MTHFD2L: variants seen among roughly 807,000 people sequenced by gnomAD.
MTHFD2L encodes the protein methylenetetrahydrofolate dehydrogenase (NADP+ dependent) 2 like.
MTHFD2L carries 29 observed loss-of-function variants against 34.9 expected under a neutral mutation model. That is an observed-to-expected ratio of 0.83 (90% CI 0.62 to 1.13). MTHFD2L has a LOEUF of 1.13. Among genes scored for constraint, MTHFD2L ranks in the 50% most tolerant of loss-of-function variants. MTHFD2L has a pLI of 0.00. For synonymous variants in MTHFD2L, 167 were observed against 155.7 expected (o/e 1.07, Z -0.54); for missense variants, 481 against 446.5 (o/e 1.08, Z -0.70).
At chr4:74,125,923 T>G (rs1369085802) in intron 1 of MTHFD2L, among the ~76,000 whole-genome samples, 1 of 152,152 alleles carries the variant, frequency 6.6e-6, no homozygotes, top group Non-Finnish European at 1.5e-5. Context: ...AAACTCGAAG[T>G]GAATAAAAGT....
intron 1 of MTHFD2L, among the ~76,000 whole-genome samples, chr4:74,164,015 A>G (rs1726067438): frequency 6.6e-6 from 1 of 152,164 alleles, no homozygotes; most frequent in Non-Finnish European, 1.5e-5. Flanking sequence ...AGCTGGGACT[A>G]CAGGCGCCCG....
chr4:74,278,197 TCTTCC>T (rs1157006556), intron 6 of MTHFD2L, among the ~76,000 whole-genome samples: 2 of 152,124 alleles, frequency 1.3e-5, no homozygotes, highest in East Asian at 3.9e-4. Context: ...TTCTAACCAT[TCTTCC>T]CTAGACCAGC....
At chr4:74,261,143 A>G (rs1049768361) in intron 6 of MTHFD2L, among the ~76,000 whole-genome samples, 12 of 152,068 alleles carry the variant, frequency 7.9e-5, no homozygotes, top group Non-Finnish European at 1.8e-4. Context: ...GGCTAATGCA[A>G]CAAGTTGACA....
At chr4:74,280,072 G>T (rs550623501) in intron 6 of MTHFD2L, among the ~76,000 whole-genome samples, 14 of 152,058 alleles carry the variant, frequency 9.2e-5, no homozygotes, top group Non-Finnish European at 1.8e-4. Context: ...AAGAGATCTA[G>T]AATACGAATG....
At chr4:74,268,015 T>C in intron 6 of MTHFD2L, 4 of 985,094 alleles carry the variant, frequency 4.1e-6, no homozygotes. Context: ...ATTATTCTCA[T>C]GACAGGCATG....
At chr4:74,238,712 A>T (rs1181575909) in intron 6 of MTHFD2L, among the ~76,000 whole-genome samples, 2 of 152,240 alleles carry the variant, frequency 1.3e-5, no homozygotes, top group East Asian at 3.8e-4. Flanking sequence ...GAAGACATTT[A>T]TGCAGCCAAC....
At chr4:74,232,851 A>G (rs1349739303) in intron 6 of MTHFD2L, among the ~76,000 whole-genome samples, 1 of 152,128 alleles carries the variant, frequency 6.6e-6, no homozygotes, top group Non-Finnish European at 1.5e-5. Flanking sequence ...TAATGACTCT[A>G]TAGTATTGAG....
intron 1 of MTHFD2L, among the ~76,000 whole-genome samples, chr4:74,142,354 A>G (rs1254388325): frequency 1.3e-5 from 2 of 152,202 alleles, no homozygotes; most frequent in Non-Finnish European, 2.9e-5. Context: ...TAATTAGGCT[A>G]TGAGAGTGGA....
At chr4:74,193,393 C>G (rs1732911225) in intron 3 of MTHFD2L, among the ~76,000 whole-genome samples, 2 of 152,100 alleles carry the variant, frequency 1.3e-5, no homozygotes, top group African/African-American at 4.8e-5. Context: ...TATTATAAAT[C>G]TTCTAACTCT....
At chr4:74,157,552 C>A, upstream of MTHFD2L, 1 of 406,360 alleles carries the variant, frequency 2.5e-6, no homozygotes, top group South Asian at 1.8e-5. Flanking sequence ...TATTTCCTTC[C>A]AAAAGTGGAG....
chr4:74,161,034 C>A (rs1044931853), intron 1 of MTHFD2L: 2 of 152,094 alleles, frequency 1.3e-5, no homozygotes, highest in African/African-American at 4.8e-5. Context: ...GGTAGATTCT[C>A]TTTTTTGTCT....
intron 4 of MTHFD2L, among the ~76,000 whole-genome samples, 198 bp from the exon 5 acceptor site, chr4:74,201,065 A>G (rs1406979784): frequency 6.6e-6 from 1 of 152,232 alleles, no homozygotes; most frequent in Non-Finnish European, 1.5e-5. Context: ...TGAGTACATA[A>G]TCAGAGAAGA....
At chr4:74,292,304 A>T (rs75792626) in intron 7 of MTHFD2L, among the ~76,000 whole-genome samples, 2,399 of 152,312 alleles carry the variant, frequency 0.016, 74 homozygotes, top group African/African-American at 0.055. Context: ...AAGTTGAAAC[A>T]AAAAATACAT....
intron 1 of MTHFD2L, among the ~76,000 whole-genome samples, chr4:74,159,896 A>C (rs1725033911): frequency 6.6e-6 from 1 of 152,174 alleles, no homozygotes; most frequent in African/African-American, 2.4e-5. Flanking sequence ...AGGCAAGTTA[A>C]GATAAGGCGG....
At chr4:74,117,965 A>G (rs1046398630) in intron 2 of MTHFD2L, among the ~76,000 whole-genome samples, 2 of 152,204 alleles carry the variant, frequency 1.3e-5, no homozygotes, top group African/African-American at 2.4e-5. Context: ...TATCCTCACT[A>G]GACTGAAAGA....
At chr4:74,273,626 T>C (rs1296102483) in intron 6 of MTHFD2L, among the ~76,000 whole-genome samples, 2 of 152,206 alleles carry the variant, frequency 1.3e-5, no homozygotes, top group African/African-American at 4.8e-5. Flanking sequence ...CTAAATTATC[T>C]TTAGTGAAAC....
intron 1 of MTHFD2L, among the ~76,000 whole-genome samples, chr4:74,139,987 A>T (rs1327625869): frequency 6.6e-6 from 1 of 152,160 alleles, no homozygotes; most frequent in Non-Finnish European, 1.5e-5. Context: ...AATAGTAATA[A>T]GGGACTCTAT....
chr4:74,265,096 A>C (rs948528014), intron 6 of MTHFD2L, among the ~76,000 whole-genome samples: 1 of 152,140 alleles, frequency 6.6e-6, no homozygotes, highest in Non-Finnish European at 1.5e-5. Flanking sequence ...ATTGCTGTGG[A>C]AGAAATCATG....
chr4:74,265,191 G>T (rs1203331897), intron 6 of MTHFD2L, among the ~76,000 whole-genome samples: 2 of 152,160 alleles, frequency 1.3e-5, no homozygotes, highest in African/African-American at 4.8e-5. Context: ...ACACTAGGCT[G>T]AGCTCAGCTA....
Sources: gnomAD v4.1 joint callset for allele counts (sites outside exome capture counted in the v4.1 genomes callset) on GRCh38, gnomAD v4.1.1 for gene constraint, MANE v1.5 for transcripts, NCBI Gene and HGNC (gene_info 2026-07-23, HGNC 2026-07-21) for gene names.